The following STAT5B variants were observed in gnomAD, a reference collection of about 807,000 sequenced individuals.
The protein encoded by STAT5B is signal transducer and activator of transcription 5B.
STAT5B carries 21 observed loss-of-function variants against 107.8 expected under a neutral mutation model. The observed-to-expected ratio is 0.19, with a 90% CI of 0.14 to 0.28. The LOEUF is 0.28. Among genes scored for constraint, STAT5B ranks in the 10% least tolerant of loss-of-function variants. The probability of loss-of-function intolerance (pLI) is 1.00; values close to 1 mark genes in which losing one functional copy is unlikely to be tolerated. For missense variants in STAT5B, 565 were observed against 1,008.2 expected, an observed-to-expected ratio of 0.56 and a Z score of 5.95; for synonymous variants, 325 against 401.7, an observed-to-expected ratio of 0.81 and a Z score of 2.28.
intron 2 of STAT5B, among the ~76,000 whole-genome samples, chr17:42,231,413 G>A (rs1163863627): frequency 1.3e-5 from 2 of 151,812 alleles, no homozygotes; most frequent in Non-Finnish European, 2.9e-5. Flanking sequence ...GTGATCATGG[G>A]TTACAGCAAC....
chr17:42,219,235 C>T, intron 7 of STAT5B, 77 bp downstream of exon 7: 1 of 1,535,820 alleles, frequency 6.5e-7, no homozygotes, highest in Non-Finnish European at 8.8e-7. Context: ...GCTGCAGGAG[C>T]CAGCACAGGA....
At chr17:42,211,671 C>T (rs76464863) in intron 13 of STAT5B, among the ~76,000 whole-genome samples, 1,993 of 152,202 alleles carry the variant, frequency 0.013, 18 homozygotes, top group Non-Finnish European at 0.022. Flanking sequence ...GGGAGAGAGG[C>T]CCAGAGTTCG....
intron 12 of STAT5B, among the ~76,000 whole-genome samples, chr17:42,214,848 CA>C: frequency 6.6e-6 from 1 of 152,244 alleles, no homozygotes; most frequent in Non-Finnish European, 1.5e-5. Context: ...CTCCTGGGCT[CA>C]GGCGATCCTC....
intron 5 of STAT5B, 22 bp downstream of exon 5, chr17:42,223,360 A>G (rs372920463): frequency 1.9e-5 from 31 of 1,613,910 alleles, no homozygotes; most frequent in Admixed American, 1.2e-4. Flanking sequence ...AAGTTGCACA[A>G]TGTGCCTCCA....
chr17:42,287,247 G>A, the STAT5B span, among the ~76,000 whole-genome samples: 1 of 151,830 alleles, frequency 6.6e-6, no homozygotes, highest in Non-Finnish European at 1.5e-5. Context: ...GGGAGAGGTA[G>A]TAAGGGGCAA....
chr17:42,200,295 C>T lies in STAT5B; in HGVS notation c.*1443G>A, dbSNP rs1274904002. ...CATCCTCTCCTGGGGGTGCCCATGC[C>T]CTTCTTTTGGAGAGGGGGCCGAGGG... On this transcript the variant is annotated 3_prime_UTR_variant, in exon 19 of 19. Coordinates refer to ENST00000293328, the MANE Select transcript of STAT5B (RefSeq NM_012448.4). 1 of 152,546 alleles carries T rather than the reference C, an allele frequency of 6.6e-6. No homozygotes were observed. Among genetic ancestry groups the T allele is most frequent in the Non-Finnish European group, 1.5e-5 (1 of 67,994 alleles). 9.4% of individuals were successfully genotyped at this position (152,546 alleles called of 1,614,324 possible). A position where few individuals can be genotyped will look rare whatever the true frequency, so the allele number is the denominator to read the frequency against.
chr17:42,226,163 G>A (rs1021521931), intron 3 of STAT5B, among the ~76,000 whole-genome samples: 6 of 152,002 alleles, frequency 3.9e-5, no homozygotes, highest in African/African-American at 1.4e-4. Context: ...TCGAACTCCT[G>A]ACCTCAGATG....
chr17:42,279,934 G>A (rs2080788866), upstream of STAT5B, among the ~76,000 whole-genome samples: 1 of 152,152 alleles, frequency 6.6e-6, no homozygotes. Flanking sequence ...AGATGCTGAG[G>A]ACAGAATGTT....
At chr17:42,210,036 G>T in intron 15 of STAT5B, 135 bp downstream of exon 15, 1 of 1,352,348 alleles carries the variant, frequency 7.4e-7, no homozygotes, top group Non-Finnish European at 1.0e-6. Context: ...TTATGAGTAT[G>T]TCATGGCTAT....
chr17:42,215,097 C>T (rs1010357221), intron 12 of STAT5B, among the ~76,000 whole-genome samples: 1 of 152,154 alleles, frequency 6.6e-6, no homozygotes, highest in African/African-American at 2.4e-5. Flanking sequence ...ATTCAGATAG[C>T]GTTTGGGTGC....
At chr17:42,241,087 C>G (rs531843664) in intron 1 of STAT5B, among the ~76,000 whole-genome samples, 5 of 152,184 alleles carry the variant, frequency 3.3e-5, no homozygotes, top group Non-Finnish European at 7.4e-5. Flanking sequence ...TGCTTGTAAT[C>G]CCATACTTTG....
At chr17:42,220,081 C>T (rs2080211770) in intron 5 of STAT5B, among the ~76,000 whole-genome samples, 1 of 152,200 alleles carries the variant, frequency 6.6e-6, no homozygotes, top group African/African-American at 2.4e-5. Context: ...CACACGGGTG[C>T]TGGGGCAGCT....
chr17:42,263,755 G>C (rs1255662681), intron 1 of STAT5B, among the ~76,000 whole-genome samples: 2 of 151,810 alleles, frequency 1.3e-5, no homozygotes, highest in African/African-American at 4.8e-5. Context: ...TTGAACTCCT[G>C]GACTCAAGTG....
upstream of STAT5B, among the ~76,000 whole-genome samples, chr17:42,281,049 G>T (rs2080793309): frequency 6.6e-6 from 1 of 151,964 alleles, no homozygotes; most frequent in Non-Finnish European, 1.5e-5. Context: ...CAGGAGAATG[G>T]CGTGAACCCG....
At position 42,207,635 on chromosome 17, in the gene STAT5B, A is replaced by G; in HGVS notation, c.2000T>C (p.Ile667Thr). 1 of 1,614,176 alleles carries G rather than the reference A, an allele frequency of 6.2e-7. No homozygotes were observed. Among genetic ancestry groups the G allele is most frequent in the Admixed American group, 1.7e-5 (1 of 60,016 alleles). ...ADRLGDLNYL[I>T]YVFPDRPKDE... ...TTTTGGCCGATCAGGAAACACGTAG[A>G]TAAGGTAATTCAAGTCTCCCAAGCG... Residue 667 changes from isoleucine (I) to threonine (T), a missense_variant, in exon 16 of 19, where the codon ATC becomes ACC. Physicochemically the swap from Ile to Thr is moderately conservative, Grantham distance 89. Around this residue, in one of 11 missense-constraint regions of STAT5B, gnomAD observed 38 missense variants for 79.5 expected, o/e 0.48. Coordinates refer to ENST00000293328, the MANE Select transcript of STAT5B (RefSeq NM_012448.4).
In STAT5B at chr17:42,207,516, CACACACACAA is replaced by C. The variant is rs752430171; in HGVS notation, c.2077+32_2077+41del. ...ACACACACACACACACACACACACA[CACACACACAA>C]CAAAATCAAATCAGAATGCGAACAT... On this transcript the variant is annotated intron_variant, in intron 16 of 18. Coordinates refer to ENST00000293328, the MANE Select transcript of STAT5B (RefSeq NM_012448.4). 10 of 1,601,718 alleles carry C rather than the reference CACACACACAA, an allele frequency of 6.2e-6. No individual in the cohort carries two copies. In the African/African-American group the frequency reaches 1.3e-4, roughly 21 times the overall value.
intron 11 of STAT5B, 59 bp from the exon 12 acceptor site, chr17:42,216,165 C>A: frequency 1.8e-6 from 2 of 1,129,818 alleles, no homozygotes; most frequent in Non-Finnish European, 2.4e-6. Context: ...CTCCTTCTCT[C>A]TTTTTTTTTT....
chr17:42,205,359 A>AG, intron 16 of STAT5B, among the ~76,000 whole-genome samples: 1 of 152,192 alleles, frequency 6.6e-6, no homozygotes, highest in East Asian at 1.9e-4. Flanking sequence ...AGTAAAAAAA[A>AG]AAAGTCACAA....
rs1469920025 is a variant in STAT5B at position 42,218,343 on chromosome 17, CAG to C, written c.990-15_990-14del. On this transcript the variant is annotated splice_polypyrimidine_tract_variant and intron_variant, in intron 8 of 18. Coordinates refer to ENST00000293328, the MANE Select transcript of STAT5B (RefSeq NM_012448.4). ...AATGATGAACGTGCTGCAGGGGACA[CAG>C]GGACAGATGCATGATGAGGGGCTGG... 1 of 1,610,704 alleles carries C rather than the reference CAG, an allele frequency of 6.2e-7. No homozygotes were observed. Among genetic ancestry groups the C allele is most frequent in the Admixed American group, 1.7e-5 (1 of 59,754 alleles).
Sources: allele counts gnomAD v4.1 joint callset (sites outside exome capture counted in the v4.1 genomes callset), GRCh38; gene constraint gnomAD v4.1.1; regional missense constraint gnomAD v4.1.1; transcripts MANE v1.5; gene names NCBI Gene and HGNC (gene_info 2026-07-23, HGNC 2026-07-21).